SYNE2: variants seen among roughly 807,000 people sequenced by gnomAD.
SYNE2 encodes spectrin repeat containing nuclear envelope protein 2.
A neutral mutation model predicts 856.3 loss-of-function variants in SYNE2; 431 were observed. The observed-to-expected ratio is 0.50, with a 90% CI of 0.47 to 0.55. The LOEUF (loss-of-function observed/expected upper bound fraction) is 0.55, where lower values mean the gene tolerates loss of function less well. Among genes scored for constraint, SYNE2 ranks in the 20% least tolerant of loss-of-function variants. The pLI, the probability that SYNE2 is intolerant of heterozygous loss-of-function variation, is 0.00. For missense variants in SYNE2, 8,129 were observed against 8,023.2 expected, an observed-to-expected ratio of 1.01 and a Z score of -0.50; for synonymous variants, 2,923 against 2,872.3, an observed-to-expected ratio of 1.02 and a Z score of -0.56.
intron 34 of SYNE2, among the ~76,000 whole-genome samples, chr14:64,018,838 T>TAATA (rs1210341179): frequency 6.6e-6 from 1 of 152,222 alleles, no homozygotes; most frequent in Non-Finnish European, 1.5e-5. Context: ...ACCATCTTTA[T>TAATA]AGAGCTTCAA....
In SYNE2 at chr14:64,087,653, C is replaced by T. The variant is rs776200415; in HGVS notation, c.11485-18C>T. The stretch of plus-strand genomic sequence containing the variant: ...TCTTGATGTTTCTCTCTATTTTTCC[C>T]ATTCTGTGTTTATCTAGATGGCTTT... On this transcript the variant is annotated intron_variant, in intron 57 of 115. Transcript: ENST00000555002. 8 of 1,612,932 alleles carry T rather than the reference C, an allele frequency of 5.0e-6. No homozygotes were observed. The South Asian group carries it at 8.8e-5, about 18-fold the overall frequency.
intron 66 of SYNE2, among the ~76,000 whole-genome samples, chr14:64,116,290 A>G (rs1364417456): frequency 6.6e-6 from 1 of 152,232 alleles, no homozygotes; most frequent in Non-Finnish European, 1.5e-5. Flanking sequence ...AACAGCTGTC[A>G]CATTACATTA....
At chr14:63,815,948 C>CTTT (rs34053312) in intron 1 of SYNE2, among the ~76,000 whole-genome samples, 15 of 128,914 alleles carry the variant, frequency 1.2e-4, no homozygotes, top group Non-Finnish European at 2.1e-4. Flanking sequence ...TTAAATTATT[C>CTTT]TTTTTTTTTT....
intron 2 of SYNE2, among the ~76,000 whole-genome samples, chr14:63,932,764 A>G (rs1408807714): frequency 6.6e-6 from 1 of 152,228 alleles, no homozygotes; most frequent in Non-Finnish European, 1.5e-5. Flanking sequence ...ATAATAAATG[A>G]TGATAGAATG....
At chr14:64,045,834 C>T (rs996558327) in intron 45 of SYNE2, among the ~76,000 whole-genome samples, 13 of 152,116 alleles carry the variant, frequency 8.5e-5, no homozygotes, top group Non-Finnish European at 1.5e-4. Flanking sequence ...TTTAAATGAA[C>T]TTTTAATTTT....
chr14:63,762,324 A>T (rs1225271945), intron 1 of SYNE2, among the ~76,000 whole-genome samples: 2 of 151,720 alleles, frequency 1.3e-5, no homozygotes, highest in African/African-American at 4.8e-5. Flanking sequence ...AATCCCAGTT[A>T]CTTGGGAGGC....
At chr14:64,098,989 G>A (rs2097699623) in intron 63 of SYNE2, 168 bp downstream of exon 63, 1 of 687,204 alleles carries the variant, frequency 1.5e-6, no homozygotes, top group Non-Finnish European at 2.5e-6. Flanking sequence ...TTAAGTGTAT[G>A]GAAACCTACT....
Position 64,002,740 on chromosome 14 carries a change from A to C in SYNE2, c.3807A>C (p.Ala1269=). 6.2e-7 allele frequency: 1 copy of C among 1,613,010 alleles called. No homozygotes were observed. Among genetic ancestry groups the C allele is most frequent in the Non-Finnish European group, 8.5e-7 (1 of 1,179,926 alleles). ...TTTAGAATATCCAAGATTCCATAGC[A>C]AAACAGATTGAAATATGTAACCGCT... ...QHLRNIQDSI[A]KQIEICNRLE... Residue 1269 remains alanine, a synonymous_variant, in exon 30 of 116, where the codon GCA becomes GCC. Coordinates refer to ENST00000555002, the MANE Select transcript of SYNE2 (RefSeq NM_182914.3).
At chr14:63,815,205 C>CGGATATATATATGGATATATAT (rs1555341285) in intron 1 of SYNE2, among the ~76,000 whole-genome samples, 6 of 94,612 alleles carry the variant, frequency 6.3e-5, no homozygotes, top group Admixed American at 1.3e-4. Flanking sequence ...TATATATATC[C>CGGATATATATATGGATATATAT]ATATATATAT....
chr14:64,109,831 G>A (rs1453387688), intron 65 of SYNE2, among the ~76,000 whole-genome samples: 1 of 152,188 alleles, frequency 6.6e-6, no homozygotes, highest in Non-Finnish European at 1.5e-5. Context: ...AAACCAGGCA[G>A]CCAATGTCAT....
chr14:63,783,484 TCTC>T (rs1241028071), intron 1 of SYNE2, among the ~76,000 whole-genome samples: 1 of 152,070 alleles, frequency 6.6e-6, no homozygotes, highest in Non-Finnish European at 1.5e-5. Context: ...TTCAAGGAAT[TCTC>T]CTGCCTCAGC....
intron 19 of SYNE2, among the ~76,000 whole-genome samples, chr14:63,987,324 T>C (rs1180891690): frequency 3.3e-5 from 5 of 152,168 alleles, no homozygotes; most frequent in Non-Finnish European, 7.4e-5. Context: ...CCACTCTCCT[T>C]TCCTTACTCA....
chr14:63,887,781 C>T (rs1432173816), intron 1 of SYNE2, among the ~76,000 whole-genome samples: 1 of 114,158 alleles, frequency 8.8e-6, no homozygotes, highest in African/African-American at 3.6e-5. Context: ...GAGATGGAGT[C>T]TTGCTCTGTC....
At position 64,221,669 on chromosome 14, in the gene SYNE2, C is replaced by T. The variant is rs781481614; in HGVS notation, c.20155C>T (p.Pro6719Ser). ...TCATGTCACCGATCCAAAGGCAGAC[C>T]CCCGGGCTCTCCTAGAGTGTCGGAG... Reference protein sequence around the residue: ...KAHVTDPKADPRALLECRREL... With the variant: ...KAHVTDPKADSRALLECRREL... Residue 6719 changes from proline to serine, a missense_variant, in exon 112 of 116, where the codon CCC becomes TCC. This residue lies in a region of SYNE2 where 5,410 missense variants were observed against 5,284.8 expected (regional missense o/e 1.02). Transcript: ENST00000555002. 1.2e-6 allele frequency: 2 copies of T among 1,614,122 alleles called. No homozygotes were observed. Among genetic ancestry groups the T allele is most frequent in the African/African-American group, 1.3e-5 (1 of 75,004 alleles).
At chr14:64,188,132 T>G (rs1340310084) in intron 97 of SYNE2, among the ~76,000 whole-genome samples, 1 of 152,248 alleles carries the variant, frequency 6.6e-6, no homozygotes, top group Non-Finnish European at 1.5e-5. Flanking sequence ...AATGTTTGAT[T>G]GACATTCTAT....
At position 63,980,746 on chromosome 14, in the gene SYNE2, GT is replaced by G. The variant is rs1185354226; in HGVS notation, c.1648+16del. 2 of 1,520,338 alleles carry G rather than the reference GT, an allele frequency of 1.3e-6. No homozygotes were observed. Among genetic ancestry groups the G allele is most frequent in the Non-Finnish European group, 1.8e-6 (2 of 1,095,814 alleles). 94.2% of individuals were successfully genotyped at this position (1,520,338 alleles called of 1,614,324 possible). On this transcript the variant is annotated intron_variant, in intron 15 of 115. Transcript: ENST00000555002. ...ATAAGAATTTGGGTAAAGTGGTTCA[GT>G]TACTTTCTGATGGAATGACTGTCAC...
At position 64,024,442 on chromosome 14, in the gene SYNE2, C is replaced by A; in HGVS notation, c.5823C>A (p.Ser1941=). 3 of 1,613,964 alleles carry A rather than the reference C, an allele frequency of 1.9e-6. No homozygotes were observed. The highest frequency in any genetic ancestry group is 1.1e-5 in the South Asian group (1 of 91,062). ...CQARAKELED[S]LQQLLRLQDD... is the part of the protein sequence containing the mutation. ...CTCGAGCAAAGGAGCTTGAAGACTC[C>A]TTGCAGCAGCTACTGAGGTAGGAAA... The change falls in exon 39 of 116, where the codon TCC becomes TCA. Residue 1941 remains serine, a synonymous_variant. Coordinates refer to ENST00000555002, the MANE Select transcript of SYNE2 (RefSeq NM_182914.3).
At chr14:64,215,792 C>A in intron 107 of SYNE2, 1 of 499,166 alleles carries the variant, frequency 2.0e-6, no homozygotes, top group South Asian at 2.6e-5. Context: ...AAAAAACCTT[C>A]CTTTCCTTGA....
At chr14:64,218,180 C>T in intron 108 of SYNE2, 1 of 517,324 alleles carries the variant, frequency 1.9e-6, no homozygotes, top group Admixed American at 3.0e-5. Flanking sequence ...ATCTGCTTCC[C>T]TCTCCCTGGG....
Sources: gnomAD v4.1 joint callset for allele counts (sites outside exome capture counted in the v4.1 genomes callset) on GRCh38, gnomAD v4.1.1 for gene constraint, gnomAD v4.1.1 regional missense constraint, MANE v1.5 for transcripts, NCBI Gene and HGNC (gene_info 2026-07-23, HGNC 2026-07-21) for gene names.